AGBL4: variants seen among roughly 807,000 people sequenced by gnomAD.
The protein encoded by AGBL4 is AGBL carboxypeptidase 4.
Under a neutral mutation model 66.4 loss-of-function variants are expected in AGBL4, and 58 were observed. The observed-to-expected ratio is 0.87, with a 90% confidence interval of 0.71 to 1.09. AGBL4 has a LOEUF of 1.09. Ranked by LOEUF, AGBL4 falls within the 50% of genes least tolerant of loss-of-function variation. AGBL4 has a pLI of 0.00. For missense variants in AGBL4, 579 were observed against 631.0 expected (o/e 0.92, Z 0.88); for synonymous variants, 234 against 222.9 (o/e 1.05, Z -0.44).
At chr1:49,169,036 A>G (rs901101081) in intron 4 of AGBL4, among the ~76,000 whole-genome samples, 2 of 152,142 alleles carry the variant, frequency 1.3e-5, no homozygotes, top group Admixed American at 6.6e-5. Context: ...TGCTTCCTAT[A>G]TCTCTTCTCC....
chr1:49,904,693 T>G (rs956461874), intron 1 of AGBL4, among the ~76,000 whole-genome samples: 4 of 152,200 alleles, frequency 2.6e-5, no homozygotes, highest in African/African-American at 9.6e-5. Context: ...GCAGAGATTT[T>G]CAAGAACATT....
chr1:49,548,750 G>C (rs936038685), intron 3 of AGBL4, among the ~76,000 whole-genome samples: 2 of 152,106 alleles, frequency 1.3e-5, no homozygotes, highest in Non-Finnish European at 2.9e-5. Flanking sequence ...TTTTGGTTAA[G>C]TCCTTTCCTG....
chr1:48,984,783 G>A (rs1444291735), intron 5 of AGBL4, among the ~76,000 whole-genome samples: 1 of 151,710 alleles, frequency 6.6e-6, no homozygotes, highest in African/African-American at 2.4e-5. Context: ...AGGGCTATCT[G>A]ATGCCTGAAC....
intron 1 of AGBL4, among the ~76,000 whole-genome samples, chr1:49,974,641 T>C (rs1373761696): frequency 6.6e-6 from 1 of 152,160 alleles, no homozygotes; most frequent in East Asian, 1.9e-4. Context: ...CAGGATGCTA[T>C]AGCATGTCAT....
chr1:49,845,985 C>G (rs1342114644), intron 2 of AGBL4: 1 of 1,584,958 alleles, frequency 6.3e-7, no homozygotes, highest in Non-Finnish European at 8.7e-7. Context: ...CGAAACCACA[C>G]TGAGGAGAAG....
At chr1:48,972,672 A>T (rs1359949491) in intron 5 of AGBL4, among the ~76,000 whole-genome samples, 1 of 152,202 alleles carries the variant, frequency 6.6e-6, no homozygotes, top group Non-Finnish European at 1.5e-5. Context: ...CCTATGGGTC[A>T]GGGCTCAGCC....
At chr1:49,704,373 TAA>T (rs1023189974) in intron 2 of AGBL4, among the ~76,000 whole-genome samples, 2 of 152,044 alleles carry the variant, frequency 1.3e-5, no homozygotes, top group African/African-American at 2.4e-5. Context: ...GGAAATTTAA[TAA>T]AGAGGTAAGT....
At chr1:49,745,915 A>G (rs960928453) in intron 2 of AGBL4, among the ~76,000 whole-genome samples, 1 of 152,032 alleles carries the variant, frequency 6.6e-6, no homozygotes, top group Non-Finnish European at 1.5e-5. Context: ...TGTACCCCAA[A>G]ACAGGAGAAC....
intron 1 of AGBL4, among the ~76,000 whole-genome samples, chr1:49,959,772 G>A (rs1168161902): frequency 1.3e-5 from 2 of 152,074 alleles, no homozygotes; most frequent in Non-Finnish European, 2.9e-5. Flanking sequence ...CAAAGACATG[G>A]AATGAACCTA....
At chr1:49,701,309 T>A (rs947283140) in intron 2 of AGBL4, among the ~76,000 whole-genome samples, 1 of 151,624 alleles carries the variant, frequency 6.6e-6, no homozygotes, top group Non-Finnish European at 1.5e-5. Context: ...AAAAATGTAA[T>A]GTATACACAT....
intron 1 of AGBL4, among the ~76,000 whole-genome samples, chr1:49,963,366 C>T (rs1657277760): frequency 6.6e-6 from 1 of 152,132 alleles, no homozygotes; most frequent in African/African-American, 2.4e-5. Flanking sequence ...ATTCACTCCC[C>T]TACTCCAAAG....
chr1:48,680,566 T>C (rs1646439568), intron 6 of AGBL4, among the ~76,000 whole-genome samples: 1 of 152,168 alleles, frequency 6.6e-6, no homozygotes. Context: ...CCCAGGAAGT[T>C]AGAAAAACCA....
At chr1:48,622,698 G>T (rs1476185110) in intron 9 of AGBL4, among the ~76,000 whole-genome samples, 1 of 151,928 alleles carries the variant, frequency 6.6e-6, no homozygotes, top group African/African-American at 2.4e-5. Flanking sequence ...TGGCCAGGCT[G>T]GTCTCAAACT....
At chr1:49,719,437 T>C (rs1267330307) in intron 2 of AGBL4, among the ~76,000 whole-genome samples, 1 of 152,140 alleles carries the variant, frequency 6.6e-6, no homozygotes, top group African/African-American at 2.4e-5. Flanking sequence ...CCAAAGGAGT[T>C]AATCTCTCTT....
chr1:48,719,030 C>T (rs1012948123), intron 6 of AGBL4, among the ~76,000 whole-genome samples: 11 of 152,168 alleles, frequency 7.2e-5, no homozygotes, highest in South Asian at 2.1e-4. Flanking sequence ...AGGATTCAGA[C>T]GGTTGTATGA....
chr1:49,535,139 A>G (rs1651469264), intron 3 of AGBL4, among the ~76,000 whole-genome samples: 1 of 152,158 alleles, frequency 6.6e-6, no homozygotes. Flanking sequence ...CAGTTCAGTG[A>G]AACAGAGTAG....
intron 2 of AGBL4, among the ~76,000 whole-genome samples, chr1:49,755,042 T>C (rs956313151): frequency 1.3e-5 from 2 of 152,320 alleles, no homozygotes; most frequent in South Asian, 2.1e-4. Context: ...ATAATTTTAA[T>C]GTGAATTTTA....
chr1:48,687,985 T>C (rs4397690), intron 6 of AGBL4, among the ~76,000 whole-genome samples: 1 of 152,212 alleles, frequency 6.6e-6, no homozygotes, highest in Non-Finnish European at 1.5e-5. Flanking sequence ...CTGATGTGTA[T>C]ATATTTATTT....
In AGBL4 at chr1:48,852,291, T is replaced by C. The variant is rs189375173; in HGVS notation, c.634+14900A>G. On this transcript the variant is annotated intron_variant, in intron 6 of 13. Coordinates refer to ENST00000371839, the MANE Select transcript of AGBL4 (RefSeq NM_032785.4). ...AGACTCTATTCTTTTGTCCCAGTAG[T>C]ATTGGGTAAGCACCAGTAATGGCAG... 4.6e-3 allele frequency among the ~76,000 whole-genome samples: 706 copies of C among 152,276 alleles called. 6 individuals are homozygous for C. The highest frequency in any genetic ancestry group is 0.011 in the Admixed American group (170 of 15,298).
Sources: gnomAD v4.1 joint callset for allele counts (sites outside exome capture counted in the v4.1 genomes callset) on GRCh38, gnomAD v4.1.1 for gene constraint, MANE v1.5 for transcripts, NCBI Gene and HGNC (gene_info 2026-07-23, HGNC 2026-07-21) for gene names.